TFAP2B: variants seen among roughly 807,000 people sequenced by gnomAD.
TFAP2B encodes transcription factor AP-2 beta, also known as transcription factor AP-2-beta.
TFAP2B carries 9 observed loss-of-function variants against 44.3 expected under a neutral mutation model. The ratio of observed to expected loss-of-function variants is 0.20; its 90% confidence interval spans 0.12 to 0.35. TFAP2B has a LOEUF of 0.35. Ranked by LOEUF, TFAP2B falls within the 10% of genes least tolerant of loss-of-function variation. The pLI, the probability that TFAP2B is intolerant of heterozygous loss-of-function variation, is 1.00. For synonymous variants in TFAP2B, 270 were observed against 263.8 expected (o/e 1.02, Z -0.23); for missense variants, 509 against 600.0 (o/e 0.85, Z 1.59).
chr6:50,836,741 T>C (rs1363506596), intron 4 of TFAP2B, among the ~76,000 whole-genome samples: 2 of 152,190 alleles, frequency 1.3e-5, no homozygotes, highest in Non-Finnish European at 2.9e-5. Context: ...TTATTGCATG[T>C]TTTAAATGCA....
At chr6:50,819,536 TTC>T (rs1381909734) in intron 1 of TFAP2B, among the ~76,000 whole-genome samples, 1 of 152,170 alleles carries the variant, frequency 6.6e-6, no homozygotes, top group Non-Finnish European at 1.5e-5. Flanking sequence ...GTTTATTAGT[TTC>T]TGTTTTCTTG....
rs920870962 is a variant in TFAP2B at position 50,843,919 on chromosome 6, A to G, written c.*527A>G. 4.5e-5 allele frequency: 7 copies of G among 156,752 alleles called. No homozygotes were observed. Among genetic ancestry groups the G allele is most frequent in the African/African-American group, 1.7e-4 (7 of 41,234 alleles). 9.7% of individuals were successfully genotyped at this position (156,752 alleles called of 1,614,324 possible). A position where few individuals can be genotyped will look rare whatever the true frequency, so the allele number is the denominator to read the frequency against. ...TTTTCCATGTTACCCTCCCTTCCTCACATTGTTACGGGAATCTTCTGGGAT... is the reference window on the plus strand; with the variant it reads ...TTTTCCATGTTACCCTCCCTTCCTCGCATTGTTACGGGAATCTTCTGGGAT... On this transcript the variant is annotated 3_prime_UTR_variant, in exon 7 of 7. Transcript: ENST00000393655.
rs1043676928 is a variant in TFAP2B at position 50,847,327 on chromosome 6, C to T, written c.*3935C>T. 1 of 152,576 alleles carries T rather than the reference C, an allele frequency of 6.6e-6. No homozygotes were observed. Among genetic ancestry groups the T allele is most frequent in the Admixed American group, 6.5e-5 (1 of 15,282 alleles). The allele number at this position is 152,576 out of a possible 1,614,324, so 9.5% of individuals were successfully genotyped here. On this transcript the variant is annotated 3_prime_UTR_variant, in exon 7 of 7. Transcript: ENST00000393655. ...CAATCAAGAAATATCAATCTATTGA[C>T]TCTTCACGAGAAGAGCTCTGGAGGG...
At chr6:50,841,032 C>T (rs1569777) in intron 6 of TFAP2B, among the ~76,000 whole-genome samples, 22,141 of 152,132 alleles carry the variant, frequency 0.15, 1,775 homozygotes, top group East Asian at 0.2. Context: ...CCGTTGACAG[C>T]GTAATTTAAA....
At chr6:50,823,893 C>CA in intron 2 of TFAP2B, 28 bp downstream of exon 2, 1 of 1,260,486 alleles carries the variant, frequency 7.9e-7, no homozygotes, top group Non-Finnish European at 1.1e-6. Flanking sequence ...AACAAACAAA[C>CA]AAAAAAGACC....
chr6:50,838,246 A>T (rs2113953091), intron 5 of TFAP2B, among the ~76,000 whole-genome samples, 153 bp downstream of exon 5: 1 of 152,268 alleles, frequency 6.6e-6, no homozygotes, highest in Non-Finnish European at 1.5e-5. Context: ...AGAGGTTCAA[A>T]GGTCCTTTTA....
intron 3 of TFAP2B, among the ~76,000 whole-genome samples, chr6:50,835,231 C>G (rs1274636175): frequency 6.6e-6 from 1 of 152,200 alleles, no homozygotes; most frequent in African/African-American, 2.4e-5. Context: ...GCAAGACCGC[C>G]GCTCATATGA....
At chr6:50,822,081 T>C in intron 1 of TFAP2B, 2 of 1,243,234 alleles carry the variant, frequency 1.6e-6, no homozygotes, top group Non-Finnish European at 2.1e-6. Context: ...ACTCCTTGAT[T>C]TTTTTTTTAA....
rs559209659 is a variant in TFAP2B at position 50,836,417 on chromosome 6, G to A, written c.821+137G>A. Reference sequence around the variant, plus strand: ...TGACGCAGTTGCCTAGCAACCGGGTGGCCGGAGCATTGCTTTCGCGCAGCG... The same window carrying A: ...TGACGCAGTTGCCTAGCAACCGGGTAGCCGGAGCATTGCTTTCGCGCAGCG... On this transcript the variant is annotated intron_variant, in intron 4 of 6. Coordinates refer to ENST00000393655, the MANE Select transcript of TFAP2B (RefSeq NM_003221.4). 1.1e-3 allele frequency: 883 copies of A among 822,490 alleles called. 6 individuals are homozygous for A. Among genetic ancestry groups the A allele is most frequent in the Admixed American group, 4.8e-4 (23 of 48,414 alleles). The allele number at this position is 822,490 out of a possible 1,614,324, so 50.9% of individuals were successfully genotyped here. A position where few individuals can be genotyped will look rare whatever the true frequency, so the allele number is the denominator to read the frequency against.
rs184817811 is a variant in TFAP2B, at chr6:50,834,144, C to T, written c.602-1917C>T. Among the ~76,000 whole-genome samples the T allele has an allele frequency of 1.7e-4, 26 of 152,248 alleles. No individual in the cohort carries two copies. The East Asian group carries it at 5.0e-3, about 29-fold the overall frequency. On this transcript the variant is annotated intron_variant, in intron 3 of 6. Transcript: ENST00000393655. ...AGAGTAAGATAGACTGAAATAGATG[C>T]CCCCACCAATCACCTGTCTATTAAG...
intron 3 of TFAP2B, among the ~76,000 whole-genome samples, chr6:50,835,172 A>G (rs1271629017): frequency 6.6e-6 from 1 of 152,230 alleles, no homozygotes; most frequent in African/African-American, 2.4e-5. Flanking sequence ...ACATACCTTG[A>G]GTGCGGTTTG....
rs559078111 is a variant in TFAP2B at position 50,844,478 on chromosome 6, C to G, written c.*1086C>G. 1.3e-5 allele frequency: 2 copies of G among 152,566 alleles called. No individual in the cohort carries two copies. Among genetic ancestry groups the G allele is most frequent in the African/African-American group, 4.8e-5 (2 of 41,428 alleles). 9.5% of individuals were successfully genotyped at this position (152,566 alleles called of 1,614,324 possible). Reference sequence around the variant, plus strand: ...AGGTACAGAGAAAAAAAAATCCGATCCCTTTTTAATCAAAGCCTGTGTGTC... The same window carrying G: ...AGGTACAGAGAAAAAAAAATCCGATGCCTTTTTAATCAAAGCCTGTGTGTC... On this transcript the variant is annotated 3_prime_UTR_variant, in exon 7 of 7. Transcript: ENST00000393655.
At chr6:50,820,377 C>A (rs970405887) in intron 1 of TFAP2B, among the ~76,000 whole-genome samples, 2 of 147,868 alleles carry the variant, frequency 1.4e-5, no homozygotes, top group African/African-American at 5.0e-5. Context: ...CAGCGCCTGG[C>A]GCCCACACCT....
At chr6:50,830,602 A>T (rs1467272855) in intron 3 of TFAP2B, among the ~76,000 whole-genome samples, 4 of 152,216 alleles carry the variant, frequency 2.6e-5, no homozygotes, top group African/African-American at 4.8e-5. Flanking sequence ...GTGTGGTATG[A>T]ATATGATGAA....
chr6:50,820,479 A>G (rs1474992850), intron 1 of TFAP2B, among the ~76,000 whole-genome samples: 1 of 152,202 alleles, frequency 6.6e-6, no homozygotes, highest in East Asian at 1.9e-4. Context: ...AGAGGGAGAA[A>G]AGCAGGAGAG....
At position 50,843,685 on chromosome 6, in the gene TFAP2B, C is replaced by T. The variant is rs1762782311; in HGVS notation, c.*293C>T. The T allele has an allele frequency of 9.4e-6, 3 of 320,506 alleles. No individual in the cohort carries two copies. The highest frequency in any genetic ancestry group is 1.0e-4 in the South Asian group (2 of 19,048). The allele number at this position is 320,506 out of a possible 1,614,324, so 19.9% of individuals were successfully genotyped here. ...TAGTAATACTGATAATAAAAGAAAA[C>T]CATGATTTCCCCTTCCCTTTGGAAA... On this transcript the variant is annotated 3_prime_UTR_variant, in exon 7 of 7. Coordinates refer to ENST00000393655, the MANE Select transcript of TFAP2B (RefSeq NM_003221.4).
chr6:50,842,064 T>C (rs2817416), intron 6 of TFAP2B, among the ~76,000 whole-genome samples: 21,118 of 152,210 alleles, frequency 0.14, 1,589 homozygotes, highest in African/African-American at 0.2. Flanking sequence ...GGCCAACCCA[T>C]TGTGGGTCTA....
Position 50,843,082 on chromosome 6 carries a change from C to A in TFAP2B, c.1083-10C>A, listed in dbSNP as rs774957247. On this transcript the variant is annotated splice_polypyrimidine_tract_variant and intron_variant, in intron 6 of 6. Coordinates refer to ENST00000393655, the MANE Select transcript of TFAP2B (RefSeq NM_003221.4). ...GGGTGATTTTCTGTGCCTCGCCCAC[C>A]CCTTTGCAGGCAACTTTGTAAAGAA... is the stretch of plus-strand genomic sequence containing the variant. The A allele has an allele frequency of 1.2e-6, 2 of 1,614,234 alleles. No homozygotes were observed. Among genetic ancestry groups the A allele is most frequent in the Admixed American group, 1.7e-5 (1 of 60,030 alleles).
intron 2 of TFAP2B, among the ~76,000 whole-genome samples, chr6:50,826,584 CGCGT>C (rs1554163587): frequency 2.7e-5 from 4 of 145,776 alleles, no homozygotes; most frequent in South Asian, 2.2e-4. Context: ...CGCGCGCGCG[CGCGT>C]GTGTGTGTGT....
Sources: gnomAD v4.1 joint callset for allele counts (sites outside exome capture counted in the v4.1 genomes callset) on GRCh38, gnomAD v4.1.1 for gene constraint, MANE v1.5 for transcripts, NCBI Gene and HGNC (gene_info 2026-07-23, HGNC 2026-07-21) for gene names.